The following CAAP1 variants were observed in gnomAD, a reference collection of about 807,000 sequenced individuals.
The protein encoded by CAAP1 is caspase activity and apoptosis inhibitor 1.
In CAAP1, 20 loss-of-function variants were observed where a neutral mutation model predicts 34.0. The ratio of observed to expected loss-of-function variants is 0.59; its 90% CI spans 0.41 to 0.86. The LOEUF is 0.86. CAAP1 is among the 40% of genes least tolerant of loss of function. The pLI is 0.00. For synonymous variants in CAAP1, 213 were observed against 166.7 expected (o/e 1.28, Z -2.14); for missense variants, 538 against 450.5 (o/e 1.19, Z -1.76).
chr9:26,889,028 ATTATG>A (rs1488119266), intron 1 of CAAP1, among the ~76,000 whole-genome samples: 2 of 152,242 alleles, frequency 1.3e-5, no homozygotes, highest in Non-Finnish European at 2.9e-5. Flanking sequence ...TCTTAAAAAC[ATTATG>A]TTAAGTAAAA....
chr9:26,858,950 A>T (rs1461876522), intron 5 of CAAP1, among the ~76,000 whole-genome samples: 1 of 137,510 alleles, frequency 7.3e-6, no homozygotes, highest in Non-Finnish European at 1.5e-5. Flanking sequence ...GTGAGCCGAT[A>T]TTGCGCCATG....
At chr9:26,845,049 A>G (rs553812370) in intron 5 of CAAP1, among the ~76,000 whole-genome samples, 1 of 152,194 alleles carries the variant, frequency 6.6e-6, no homozygotes, top group Non-Finnish European at 1.5e-5. Context: ...ATGGTACCTT[A>G]TCAGATCATA....
In CAAP1 at chr9:26,842,000, A is replaced by T. The variant is rs370359522; in HGVS notation, c.*301T>A. 8.4e-5 allele frequency: 18 copies of T among 213,070 alleles called. No homozygotes were observed. Among genetic ancestry groups the T allele is most frequent in the Non-Finnish European group, 9.2e-5 (10 of 109,030 alleles). 13.2% of individuals were successfully genotyped at this position (213,070 alleles called of 1,614,324 possible). On this transcript the variant is annotated 3_prime_UTR_variant, in exon 6 of 6. Transcript: ENST00000333916. ...CAAACATTTAAAAATAAAGAAAAAA[A>T]TACCACGACTCTTTGCTAATGGCTT...
chr9:26,868,484 C>A (rs1400194033), intron 4 of CAAP1, among the ~76,000 whole-genome samples: 2 of 152,146 alleles, frequency 1.3e-5, no homozygotes, highest in African/African-American at 2.4e-5. Flanking sequence ...CCAGAAATAA[C>A]CAGCCCTGCT....
At chr9:26,885,814 C>A (rs1823724132) in intron 3 of CAAP1, among the ~76,000 whole-genome samples, 1 of 151,644 alleles carries the variant, frequency 6.6e-6, no homozygotes, top group Admixed American at 6.6e-5. Context: ...CTTTGCCTTT[C>A]CAATAATTAA....
At chr9:26,847,559 G>T (rs1249243339) in intron 5 of CAAP1, among the ~76,000 whole-genome samples, 1 of 151,932 alleles carries the variant, frequency 6.6e-6, no homozygotes, top group African/African-American at 2.4e-5. Context: ...TAGAAATTAG[G>T]TTGAGCATTC....
Position 26,841,589 on chromosome 9 carries a change from C to A in CAAP1, c.*712G>T, listed in dbSNP as rs768858784. 1 of 152,482 alleles carries A rather than the reference C, an allele frequency of 6.6e-6. No homozygotes were observed. The highest frequency in any genetic ancestry group is 1.5e-5 in the Non-Finnish European group (1 of 67,980). 9.4% of individuals were successfully genotyped at this position (152,482 alleles called of 1,614,324 possible). ...TAATAAAATATTCTTCATTTCCTGACAGCTTGGAATGTAAATGAAAACTTG... is the reference window on the plus strand; with the variant it reads ...TAATAAAATATTCTTCATTTCCTGAAAGCTTGGAATGTAAATGAAAACTTG... On this transcript the variant is annotated 3_prime_UTR_variant, in exon 6 of 6. Coordinates refer to ENST00000333916, the MANE Select transcript of CAAP1 (RefSeq NM_024828.4).
At chr9:26,854,469 G>A (rs1433901102) in intron 5 of CAAP1, among the ~76,000 whole-genome samples, 1 of 150,712 alleles carries the variant, frequency 6.6e-6, no homozygotes, top group Non-Finnish European at 1.5e-5. Context: ...CACAAATTAG[G>A]ATGCTGGGTT....
chr9:26,886,822 A>C (rs113830202), intron 2 of CAAP1, among the ~76,000 whole-genome samples: 6,451 of 152,236 alleles, frequency 0.042, 469 homozygotes, highest in African/African-American at 0.15. Context: ...TTCGTGGCAA[A>C]TTTTTAAATA....
chr9:26,858,731 G>A (rs1198470803), intron 5 of CAAP1, among the ~76,000 whole-genome samples: 1 of 151,988 alleles, frequency 6.6e-6, no homozygotes, highest in East Asian at 1.9e-4. Context: ...GCTGAGGCAG[G>A]GGAATGGTGT....
intron 4 of CAAP1, among the ~76,000 whole-genome samples, chr9:26,873,809 T>A (rs537130104): frequency 6.6e-5 from 10 of 152,208 alleles, no homozygotes; most frequent in Non-Finnish European, 1.0e-4. Context: ...AAACTATACA[T>A]GCTAAAGTTT....
At chr9:26,870,587 C>CGTGT (rs10598264) in intron 4 of CAAP1, among the ~76,000 whole-genome samples, 1,511 of 135,284 alleles carry the variant, frequency 0.011, 30 homozygotes, top group African/African-American at 0.039. Flanking sequence ...CACATATATA[C>CGTGT]GTGTGTGTGT....
intron 4 of CAAP1, among the ~76,000 whole-genome samples, chr9:26,882,120 G>A (rs1231869084): frequency 6.6e-6 from 1 of 152,340 alleles, no homozygotes; most frequent in Middle Eastern, 3.4e-3. Context: ...AAGGGAAACA[G>A]AGCGTAAAAG....
chr9:26,887,802 G>T (rs943922654), intron 1 of CAAP1, among the ~76,000 whole-genome samples: 2 of 152,076 alleles, frequency 1.3e-5, no homozygotes, highest in Non-Finnish European at 2.9e-5. Flanking sequence ...TTAGACTTTT[G>T]AAGAATTAGG....
chr9:26,892,334 G>A (rs372929881), intron 1 of CAAP1, 79 bp downstream of exon 1: 1 of 1,566,662 alleles, frequency 6.4e-7, no homozygotes, highest in Non-Finnish European at 8.6e-7. Context: ...GCTCCAGCCT[G>A]CGCCCCATCC....
At chr9:26,856,783 A>C (rs1822879469) in intron 5 of CAAP1, among the ~76,000 whole-genome samples, 1 of 152,230 alleles carries the variant, frequency 6.6e-6, no homozygotes, top group Non-Finnish European at 1.5e-5. Flanking sequence ...AGTCCTTCAA[A>C]TATTTTACAG....
In CAAP1 at chr9:26,857,566, A is replaced by AGT. The variant is rs1429596433; in HGVS notation, c.739+3499_739+3500insAC. Among the ~76,000 whole-genome samples, 5 of 152,314 alleles carry AGT rather than the reference A, an allele frequency of 3.3e-5. No individual in the cohort carries two copies. The East Asian group carries it at 9.6e-4, about 29-fold the overall frequency. ...AGAATTGCTTTAACCCAAGAGATGG[A>AGT]GGTTACAGTGAGCTGAAATCACACC... is the stretch of plus-strand genomic sequence containing the variant. On this transcript the variant is annotated intron_variant, in intron 5 of 5. Transcript: ENST00000333916.
In CAAP1 at chr9:26,874,761, AAAGGAGCTATCTT is replaced by A. The variant is rs377592014; in HGVS notation, c.665+10036_665+10048del. 9.7e-4 allele frequency among the ~76,000 whole-genome samples: 147 copies of A among 152,316 alleles called. 1 individual carries two copies. Among genetic ancestry groups the A allele is most frequent in the East Asian group, 8.1e-3 (42 of 5,180 alleles). On this transcript the variant is annotated intron_variant, in intron 4 of 5. Transcript: ENST00000333916. ...GCTTTCTTGTTACTATTGGTAGTAA[AAAGGAGCTATCTT>A]AAGGTATGGTAAGAGTAGGGAAATA...
chr9:26,848,288 C>T (rs915467085), intron 5 of CAAP1, among the ~76,000 whole-genome samples: 1 of 152,064 alleles, frequency 6.6e-6, no homozygotes, highest in African/African-American at 2.4e-5. Flanking sequence ...CCAAGATGGG[C>T]GGATCATGAG....
Sources: allele counts gnomAD v4.1 joint callset (sites outside exome capture counted in the v4.1 genomes callset), GRCh38; gene constraint gnomAD v4.1.1; transcripts MANE v1.5; gene names NCBI Gene and HGNC (gene_info 2026-07-23, HGNC 2026-07-21).